CYP4F22: variants seen among roughly 807,000 people sequenced by gnomAD.
CYP4F22 encodes the protein ultra-long-chain fatty acid omega-hydroxylase.
A neutral mutation model predicts 60.4 loss-of-function variants in CYP4F22; 37 were observed. That is an observed-to-expected ratio of 0.61 (90% CI 0.47 to 0.81). The LOEUF (loss-of-function observed/expected upper bound fraction) is 0.81, where lower values mean the gene tolerates loss of function less well. Ranked by LOEUF, CYP4F22 falls within the 30% of genes least tolerant of loss-of-function variation. The pLI, the probability that CYP4F22 is intolerant of heterozygous loss-of-function variation, is 0.00. For synonymous variants in CYP4F22, 258 were observed against 280.5 expected, an observed-to-expected ratio of 0.92 and a Z score of 0.80; for missense variants, 655 against 715.0, an observed-to-expected ratio of 0.92 and a Z score of 0.96.
chr19:15,515,241 G>A (rs190036900), intron 1 of CYP4F22: 4 of 707,638 alleles, frequency 5.7e-6, no homozygotes, highest in African/African-American at 3.6e-5. Context: ...ACCGTCTCTC[G>A]GCCCACTAGA....
intron 1 of CYP4F22, among the ~76,000 whole-genome samples, chr19:15,519,124 T>C (rs567534258): frequency 1.3e-5 from 2 of 151,954 alleles, no homozygotes; most frequent in Non-Finnish European, 2.9e-5. Flanking sequence ...GCCTTTGAGA[T>C]AGGATTTCTG....
intron 2 of CYP4F22, among the ~76,000 whole-genome samples, chr19:15,524,243 A>G (rs1323036641): frequency 6.6e-6 from 1 of 152,192 alleles, no homozygotes; most frequent in Non-Finnish European, 1.5e-5. Flanking sequence ...AAATATCCAG[A>G]ATACTTAAAT....
rs1220023878 is a variant in CYP4F22, at chr19:15,551,508, C to A, written c.*37C>A. On this transcript the variant is annotated 3_prime_UTR_variant, in exon 14 of 14. Transcript: ENST00000269703. ...CCCCTGCGGCTCCCGAGGGTCCAGG[C>A]CCCGCCCCCAAAGGACCAGGACTCG... 9 of 1,541,232 alleles carry A rather than the reference C, an allele frequency of 5.8e-6. No individual in the cohort carries two copies. Among genetic ancestry groups the A allele is most frequent in the African/African-American group, 1.4e-5 (1 of 72,858 alleles).
intron 7 of CYP4F22, among the ~76,000 whole-genome samples, chr19:15,540,031 A>G (rs570068985): frequency 6.6e-6 from 1 of 152,316 alleles, no homozygotes; most frequent in South Asian, 2.1e-4. Context: ...CAGATAGACA[A>G]TTTGCAAATA....
chr19:15,526,360 T>C (rs1049853937), intron 3 of CYP4F22, among the ~76,000 whole-genome samples: 1 of 152,288 alleles, frequency 6.6e-6, no homozygotes, highest in East Asian at 1.9e-4. Flanking sequence ...TTTTATTGCA[T>C]TGAATTTTTT....
chr19:15,544,389 C>T, intron 10 of CYP4F22, 110 bp downstream of exon 10: 1 of 1,337,474 alleles, frequency 7.5e-7, no homozygotes, highest in Non-Finnish European at 1.0e-6. Context: ...GCCACTTTAG[C>T]TTCCTGAATT....
intron 4 of CYP4F22, among the ~76,000 whole-genome samples, chr19:15,532,497 C>G (rs113746783): frequency 4.6e-5 from 7 of 151,952 alleles, no homozygotes; most frequent in African/African-American, 1.7e-4. Flanking sequence ...GTCTCAGCCT[C>G]CCGAGTAGCT....
At chr19:15,520,153 G>T (rs1043306298) in intron 1 of CYP4F22, among the ~76,000 whole-genome samples, 1 of 151,994 alleles carries the variant, frequency 6.6e-6, no homozygotes, top group East Asian at 1.9e-4. Context: ...GACCATCCTG[G>T]TTAACACGGT....
At chr19:15,544,363 G>A in intron 10 of CYP4F22, 84 bp downstream of exon 10, 1 of 1,504,758 alleles carries the variant, frequency 6.6e-7, no homozygotes, top group Non-Finnish European at 9.0e-7. Flanking sequence ...CTTACTGATT[G>A]TGTGACCTCA....
chr19:15,515,206 C>T lies in CYP4F22; in HGVS notation c.-109+6623C>T, dbSNP rs1442022241. 4 of 578,354 alleles carry T rather than the reference C, an allele frequency of 6.9e-6. No individual in the cohort carries two copies. In the African/African-American group the frequency reaches 7.5e-5, roughly 11 times the overall value. The allele number at this position is 578,354 out of a possible 1,614,324, so 35.8% of individuals were successfully genotyped here. On this transcript the variant is annotated intron_variant, in intron 1 of 13. Coordinates refer to ENST00000269703, the MANE Select transcript of CYP4F22 (RefSeq NM_173483.4). ...ACAGCCACCTCCCCTGTTGTGTTCC[C>T]TGCTGCTGCCCACATCCTTTACCCA... is the stretch of plus-strand genomic sequence containing the variant.
chr19:15,516,366 A>G (rs1290036941), intron 1 of CYP4F22, among the ~76,000 whole-genome samples: 1 of 152,080 alleles, frequency 6.6e-6, no homozygotes, highest in East Asian at 1.9e-4. Context: ...GCCTTTACCT[A>G]TTTAGGAAAG....
chr19:15,547,992 AGAGG>A lies in CYP4F22; in HGVS notation c.1137-112_1137-109del, dbSNP rs1234306736. 9.1e-3 allele frequency: 4,578 copies of A among 504,124 alleles called. 371 individuals carry two copies. The highest frequency in any genetic ancestry group is 0.039 in the East Asian group (475 of 12,204). The allele number at this position is 504,124 out of a possible 1,614,324, so 31.2% of individuals were successfully genotyped here. ...CTGAGAGAGAGAGAGAGAGAGAGAGAGAGGGAGAGAGTGTGTGTGTGTGTGTGTG... is the reference window on the plus strand; with the variant it reads ...CTGAGAGAGAGAGAGAGAGAGAGAGAGAGAGAGTGTGTGTGTGTGTGTGTG... On this transcript the variant is annotated intron_variant, in intron 10 of 13. Transcript: ENST00000269703.
chr19:15,536,866 G>A (rs888510772), intron 4 of CYP4F22, among the ~76,000 whole-genome samples: 10 of 152,178 alleles, frequency 6.6e-5, no homozygotes, highest in Non-Finnish European at 1.0e-4. Context: ...GTCTGAGCAG[G>A]GGAGGCTCAT....
rs533709837 is a variant in CYP4F22 at position 15,511,898 on chromosome 19, G to A, written c.-109+3315G>A. ...GCGACCTGGGCGTGGGCCGGGACAC[G>A]GAGCCAGTCGCTGGCTTTCACCACC... On this transcript the variant is annotated intron_variant, in intron 1 of 13. Coordinates refer to ENST00000269703, the MANE Select transcript of CYP4F22 (RefSeq NM_173483.4). Among the ~76,000 whole-genome samples, 3 of 152,356 alleles carry A rather than the reference G, an allele frequency of 2.0e-5. No homozygotes were observed. The South Asian group carries it at 6.2e-4, about 32-fold the overall frequency.
intron 6 of CYP4F22, 62 bp from the exon 7 acceptor site, chr19:15,537,810 C>T (rs1971415232): frequency 6.2e-7 from 1 of 1,611,888 alleles, no homozygotes; most frequent in Non-Finnish European, 8.5e-7. Flanking sequence ...CAGTCGGGTC[C>T]TTGTTAGGCT....
chr19:15,516,460 A>G (rs1268007574), intron 1 of CYP4F22, among the ~76,000 whole-genome samples: 1 of 152,250 alleles, frequency 6.6e-6, no homozygotes, highest in Non-Finnish European at 1.5e-5. Context: ...TAGCAAGGAC[A>G]AACTGCATAA....
intron 7 of CYP4F22, among the ~76,000 whole-genome samples, chr19:15,538,573 G>A (rs867011395): frequency 1.3e-4 from 20 of 152,156 alleles, no homozygotes; most frequent in African/African-American, 4.6e-4. Flanking sequence ...GAACAGGGTG[G>A]TGAACAACAG....
chr19:15,521,046 T>C, intron 1 of CYP4F22, among the ~76,000 whole-genome samples: 1 of 151,758 alleles, frequency 6.6e-6, no homozygotes, highest in East Asian at 1.9e-4. Context: ...GGATTACAAG[T>C]GTGAGCCACC....
At chr19:15,549,090 G>C in intron 11 of CYP4F22, 48 bp from the exon 12 acceptor site, 1 of 1,606,866 alleles carries the variant, frequency 6.2e-7, no homozygotes, top group Non-Finnish European at 8.5e-7. Context: ...TGTTTCTGGA[G>C]GAGGCCCTGG....
Sources: allele counts gnomAD v4.1 joint callset (sites outside exome capture counted in the v4.1 genomes callset), GRCh38; gene constraint gnomAD v4.1.1; transcripts MANE v1.5; gene names NCBI Gene and HGNC (gene_info 2026-07-23, HGNC 2026-07-21).